CD163L1: variants seen among roughly 807,000 people sequenced by gnomAD.
CD163L1 encodes the protein CD163 molecule like 1.
CD163L1 carries 124 observed loss-of-function variants against 165.4 expected under a neutral mutation model. That is an observed-to-expected ratio of 0.75 (90% CI 0.65 to 0.87). CD163L1 has a LOEUF of 0.87. Ranked by LOEUF, CD163L1 falls within the 40% of genes least tolerant of loss-of-function variation. The pLI, the probability that CD163L1 is intolerant of heterozygous loss-of-function variation, is 0.00. For missense variants in CD163L1, 1,525 were observed against 1,799.9 expected (o/e 0.85, Z 2.76); for synonymous variants, 585 against 662.2 (o/e 0.88, Z 1.79).
chr12:7,321,479 C>T, the CD163L1 span, among the ~76,000 whole-genome samples: 2 of 152,200 alleles, frequency 1.3e-5, no homozygotes, highest in Admixed American at 6.5e-5. Context: ...AAGTGCTATG[C>T]GAGACAGAAT....
At chr12:7,338,140 G>T in the CD163L1 span, among the ~76,000 whole-genome samples, 1 of 152,054 alleles carries the variant, frequency 6.6e-6, no homozygotes, top group Admixed American at 6.6e-5. Context: ...ACAGGGAGGG[G>T]AATGTCACAC....
intron 8 of CD163L1, among the ~76,000 whole-genome samples, chr12:7,380,068 A>G (rs1947353069): frequency 6.6e-6 from 1 of 152,142 alleles, no homozygotes; most frequent in Non-Finnish European, 1.5e-5. Flanking sequence ...ACCGCTATGA[A>G]AAACAGTGGA....
At chr12:7,357,520 G>A (rs759864477) in intron 18 of CD163L1, 34 bp from the exon 19 acceptor site, 3 of 1,580,120 alleles carry the variant, frequency 1.9e-6, no homozygotes, top group Non-Finnish European at 2.6e-6. Context: ...TTATTGAATA[G>A]TAGAAAACCT....
In CD163L1 at chr12:7,398,386, C is replaced by T. The variant is rs1256459822; in HGVS notation, c.1607G>A (p.Gly536Glu). The T allele has an allele frequency of 1.9e-6, 3 of 1,614,154 alleles. No individual in the cohort carries two copies. The highest frequency in any genetic ancestry group is 1.7e-5 in the Admixed American group (1 of 60,014). The change falls in exon 7 of 20, where the codon GGA becomes GAA. Residue 536 changes from glycine to glutamate, a missense_variant. By Grantham distance (98) the Gly-to-Glu change is moderately conservative (BLOSUM62 -2). Transcript: ENST00000313599. The surrounding 1 kb of genome is among the most constrained non-coding windows in gnomAD (Gnocchi z 4.5). ...FGMTYFKEAS[G>E]PIWLDDVSCI... Reference sequence around the variant, plus strand: ...AGAAACGTCATCCAGCCAAATAGGTCCTGATGCTTCTTTAAAATAGGTCAT... The same window carrying T: ...AGAAACGTCATCCAGCCAAATAGGTTCTGATGCTTCTTTAAAATAGGTCAT...
intron 5 of CD163L1, among the ~76,000 whole-genome samples, chr12:7,405,822 TC>T (rs1219485951): frequency 6.6e-6 from 1 of 152,206 alleles, no homozygotes; most frequent in Non-Finnish European, 1.5e-5. Flanking sequence ...GATTCTCCTT[TC>T]GTAAGAATAT....
chr12:7,381,292 C>T (rs1947402074), intron 8 of CD163L1, among the ~76,000 whole-genome samples: 1 of 152,116 alleles, frequency 6.6e-6, no homozygotes, highest in Admixed American at 6.5e-5. Context: ...ATATAATTAA[C>T]GTGGTCTAGA....
rs1333606667 is a variant in CD163L1, at chr12:7,421,489, A to ACATATACATATATGTGCATATG, written c.766+10926_766+10927insCATATGCACATATATGTATATG. 1.8e-5 allele frequency among the ~76,000 whole-genome samples: 2 copies of ACATATACATATATGTGCATATG among 113,624 alleles called. 1 individual carries two copies. The highest frequency in any genetic ancestry group is 5.7e-4 in the East Asian group (2 of 3,484). 74.5% of individuals were successfully genotyped at this position (113,624 alleles called of 152,430 possible). A position where few individuals can be genotyped will look rare whatever the true frequency, so the allele number is the denominator to read the frequency against. The stretch of plus-strand genomic sequence containing the variant: ...CATATATATACATATATGTACATAT[A>ACATATACATATATGTGCATATG]TACATATATGTACATATACATATAC... On this transcript the variant is annotated intron_variant, in intron 4 of 19. Coordinates refer to ENST00000313599, the MANE Select transcript of CD163L1 (RefSeq NM_174941.6).
intron 4 of CD163L1, among the ~76,000 whole-genome samples, chr12:7,422,751 ATGTGTGTG>A (rs72061380): frequency 4.9e-5 from 7 of 143,896 alleles, no homozygotes; most frequent in African/African-American, 1.0e-4. Flanking sequence ...ATATATACAT[ATGTGTGTG>A]TGTGTGTGTG....
chr12:7,440,882 CT>C (rs1196058949), intron 2 of CD163L1, among the ~76,000 whole-genome samples: 1 of 152,162 alleles, frequency 6.6e-6, no homozygotes, highest in Non-Finnish European at 1.5e-5. Flanking sequence ...CCACCTTGGC[CT>C]CCCAAAGTGC....
chr12:7,373,194 C>T (rs1452195118), intron 14 of CD163L1, 126 bp downstream of exon 14: 1 of 733,898 alleles, frequency 1.4e-6, no homozygotes, highest in East Asian at 2.7e-5. Flanking sequence ...TGCGATAAAT[C>T]AGCACTTATT....
chr12:7,348,059 C>A (rs983259767), intron 4 of CD163L1, among the ~76,000 whole-genome samples: 1 of 152,080 alleles, frequency 6.6e-6, no homozygotes, highest in Admixed American at 6.5e-5. Flanking sequence ...TTAAAGTATC[C>A]CCTTCACTCA....
chr12:7,346,968 T>C (rs980217085), exon 5 of CD163L1: 2 of 152,156 alleles, frequency 1.3e-5, no homozygotes, highest in Non-Finnish European at 2.9e-5. Context: ...TGATGAGGAA[T>C]TAATAAGCAG....
chr12:7,382,261 T>G (rs1947427281), intron 8 of CD163L1, among the ~76,000 whole-genome samples: 1 of 151,978 alleles, frequency 6.6e-6, no homozygotes. Flanking sequence ...ACATTGATAT[T>G]CATGATTATG....
chr12:7,394,346 G>C (rs1199331260), intron 8 of CD163L1, among the ~76,000 whole-genome samples: 3 of 152,114 alleles, frequency 2.0e-5, no homozygotes, highest in African/African-American at 4.8e-5. Context: ...ATGGGGAAAG[G>C]ATTCCCTATT....
downstream of CD163L1, among the ~76,000 whole-genome samples, chr12:7,342,459 A>G (rs1441044548): frequency 6.6e-6 from 1 of 152,228 alleles, no homozygotes; most frequent in Non-Finnish European, 1.5e-5. Context: ...CTTGCTGTTA[A>G]TAAATACGTG....
At chr12:7,326,976 G>A in the CD163L1 span, 2 of 1,596,002 alleles carry the variant, frequency 1.3e-6, no homozygotes, top group Non-Finnish European at 1.7e-6. Context: ...TCTGTTGCAG[G>A]TGGTGAAAGC....
the CD163L1 span, chr12:7,322,453 G>A: frequency 1.9e-6 from 3 of 1,613,754 alleles, no homozygotes; most frequent in African/African-American, 1.3e-5. Context: ...TGCTTGACCG[G>A]AGGGGAGCCA....
In CD163L1 at chr12:7,432,309, T is replaced by C. The variant is rs1485171803; in HGVS notation, c.766+107A>G. 2 of 847,994 alleles carry C rather than the reference T, an allele frequency of 2.4e-6. No individual in the cohort carries two copies. Among genetic ancestry groups the C allele is most frequent in the Non-Finnish European group, 1.8e-6 (1 of 553,218 alleles). The allele number at this position is 847,994 out of a possible 1,614,324, so 52.5% of individuals were successfully genotyped here. On this transcript the variant is annotated intron_variant, in intron 4 of 19. Transcript: ENST00000313599. The surrounding 1 kb of genome is among the most constrained non-coding windows in gnomAD (Gnocchi z 4.2). ...ATTTCAGGGTAACAAAAATGTGTTA[T>C]AACCAGAGAAAATTCTTCTCCAGAG...
chr12:7,338,658 G>A, the CD163L1 span, among the ~76,000 whole-genome samples: 6 of 152,084 alleles, frequency 3.9e-5, no homozygotes, highest in Non-Finnish European at 5.9e-5. Context: ...GGTCTACCCC[G>A]CTGATCTAGT....
Sources: allele counts gnomAD v4.1 joint callset (sites outside exome capture counted in the v4.1 genomes callset), GRCh38; gene constraint gnomAD v4.1.1; non-coding constraint Gnocchi (gnomAD v3.1); transcripts MANE v1.5; gene names NCBI Gene and HGNC (gene_info 2026-07-23, HGNC 2026-07-21).